TMEM17: variants seen among roughly 807,000 people sequenced by gnomAD.
TMEM17 encodes transmembrane protein 17.
Under a neutral mutation model 19.1 loss-of-function variants are expected in TMEM17, and 15 were observed. That is an observed-to-expected ratio of 0.78 (90% CI 0.52 to 1.21). The LOEUF is 1.21. Among genes scored for constraint, TMEM17 ranks in the 50% most tolerant of loss-of-function variants. TMEM17 has a pLI of 0.00. For missense variants in TMEM17, 245 were observed against 242.3 expected (o/e 1.01, Z -0.07); for synonymous variants, 103 against 86.9 (o/e 1.19, Z -1.03).
At chr2:62,474,412 TC>T in the TMEM17 span, among the ~76,000 whole-genome samples, 1 of 152,194 alleles carries the variant, frequency 6.6e-6, no homozygotes, top group Admixed American at 6.5e-5. Context: ...AACCTGCTCT[TC>T]AACCCACGCT....
chr2:62,480,345 T>C, the TMEM17 span, among the ~76,000 whole-genome samples: 1 of 152,176 alleles, frequency 6.6e-6, no homozygotes, highest in South Asian at 2.1e-4. Flanking sequence ...AGTTTGGAAA[T>C]ATTTTCTCCC....
the TMEM17 span, among the ~76,000 whole-genome samples, chr2:62,462,920 AT>A: frequency 2.3e-3 from 352 of 151,522 alleles, 2 homozygotes; most frequent in Middle Eastern, 0.024. Context: ...CCCTGCCCAC[AT>A]TTTTCCTCTG....
the TMEM17 span, among the ~76,000 whole-genome samples, chr2:62,469,990 G>T: frequency 6.6e-6 from 1 of 152,144 alleles, no homozygotes; most frequent in Non-Finnish European, 1.5e-5. Context: ...TGTTCCCCGG[G>T]CCTTGATCCA....
the TMEM17 span, among the ~76,000 whole-genome samples, chr2:62,482,977 C>A: frequency 6.6e-6 from 1 of 152,202 alleles, no homozygotes; most frequent in Non-Finnish European, 1.5e-5. Flanking sequence ...GCATGGGGAG[C>A]AGACCCCTTG....
At chr2:62,459,757 T>C in the TMEM17 span, among the ~76,000 whole-genome samples, 1 of 152,236 alleles carries the variant, frequency 6.6e-6, no homozygotes, top group African/African-American at 2.4e-5. Context: ...TTTAAATGAA[T>C]TTATATTTAT....
At chr2:62,484,025 C>G in the TMEM17 span, among the ~76,000 whole-genome samples, 2 of 152,348 alleles carry the variant, frequency 1.3e-5, no homozygotes, top group South Asian at 4.1e-4. Flanking sequence ...TGGAAAAAAT[C>G]TGGTCTTCAC....
downstream of TMEM17, among the ~76,000 whole-genome samples, chr2:62,497,617 T>C (rs10200802): frequency 0.47 from 71,779 of 152,130 alleles, 17,302 homozygotes; most frequent in East Asian, 0.75. Flanking sequence ...TGTAATCCTA[T>C]AGGGCCCCAC....
intron 1 of TMEM17, among the ~76,000 whole-genome samples, chr2:62,504,076 A>G (rs1486630726): frequency 6.6e-6 from 1 of 152,242 alleles, no homozygotes; most frequent in Non-Finnish European, 1.5e-5. Context: ...TCTTAAAAAC[A>G]TTATTTTCTC....
At chr2:62,492,146 A>G in the TMEM17 span, among the ~76,000 whole-genome samples, 4 of 152,248 alleles carry the variant, frequency 2.6e-5, no homozygotes, top group East Asian at 5.8e-4. Flanking sequence ...CAACCTTAAT[A>G]TATCTTTGGA....
the TMEM17 span, among the ~76,000 whole-genome samples, chr2:62,491,830 TA>T: frequency 6.6e-6 from 1 of 151,408 alleles, no homozygotes; most frequent in Non-Finnish European, 1.5e-5. Context: ...ATTAATCAAA[TA>T]TACATCTCTT....
At chr2:62,466,440 C>T in the TMEM17 span, among the ~76,000 whole-genome samples, 4 of 152,158 alleles carry the variant, frequency 2.6e-5, no homozygotes, top group East Asian at 7.7e-4. Context: ...TCAACGTCGG[C>T]TGGGAAGTTA....
At chr2:62,458,036 C>T in the TMEM17 span, among the ~76,000 whole-genome samples, 1 of 152,190 alleles carries the variant, frequency 6.6e-6, no homozygotes, top group Admixed American at 6.5e-5. Context: ...GGGAACACTT[C>T]GCTCCTTTCT....
chr2:62,464,263 A>G, the TMEM17 span, among the ~76,000 whole-genome samples: 1 of 152,338 alleles, frequency 6.6e-6, no homozygotes, highest in Non-Finnish European at 1.5e-5. Context: ...CTAAAAGAGC[A>G]CTGTAACACG....
Position 62,501,291 on chromosome 2 carries a change from C to T in TMEM17, c.515G>A (p.Arg172His), listed in dbSNP as rs561991904. 5.8e-5 allele frequency: 94 copies of T among 1,614,200 alleles called. 1 individual carries two copies. The highest frequency in any genetic ancestry group is 4.9e-4 in the Middle Eastern group (3 of 6,062). The change falls in exon 4 of 4, where the codon CGT (arginine) becomes CAT (histidine). Residue 172 changes from arginine (R) to histidine (H), a missense_variant. Transcript: ENST00000335390. ...LRKMVNQLAVRFHLQDFDRLS... is the reference protein window; with the variant it reads ...LRKMVNQLAVHFHLQDFDRLS... ...CCGGTCAAAGTCTTGGAGGTGGAAA[C>T]GAACTGCCAACTGATTAACCATTTT...
chr2:62,487,593 C>A, the TMEM17 span, among the ~76,000 whole-genome samples: 4 of 152,296 alleles, frequency 2.6e-5, no homozygotes, highest in African/African-American at 9.6e-5. Context: ...GCCTGTGAAA[C>A]AGGTGAATGG....
At chr2:62,461,728 C>G in the TMEM17 span, among the ~76,000 whole-genome samples, 30 of 152,160 alleles carry the variant, frequency 2.0e-4, no homozygotes, top group Admixed American at 1.9e-3. Context: ...TGGAATTTAC[C>G]ATCTCATTAG....
chr2:62,500,959 T>C lies in TMEM17; in HGVS notation c.*250A>G. The C allele has an allele frequency of 2.8e-6, 1 of 357,820 alleles. No individual in the cohort carries two copies. The highest frequency in any genetic ancestry group is 4.4e-5 in the Admixed American group (1 of 22,954). 22.2% of individuals were successfully genotyped at this position (357,820 alleles called of 1,614,324 possible). On this transcript the variant is annotated 3_prime_UTR_variant, in exon 4 of 4. Transcript: ENST00000335390. ...ACCAATACATAGATTTCTACACTCC[T>C]GAAAAAGACAACAACATCAAAAAAA...
At chr2:62,467,802 C>T in the TMEM17 span, among the ~76,000 whole-genome samples, 3 of 151,916 alleles carry the variant, frequency 2.0e-5, no homozygotes, top group Admixed American at 6.6e-5. Flanking sequence ...CAGAGGTTCA[C>T]ACAGTCTGCA....
the TMEM17 span, among the ~76,000 whole-genome samples, chr2:62,472,347 A>T: frequency 6.6e-6 from 1 of 152,210 alleles, no homozygotes; most frequent in East Asian, 1.9e-4. Context: ...GCAGCCTGGA[A>T]TGAGAAGCCC....
Sources: gnomAD v4.1 joint callset for allele counts (sites outside exome capture counted in the v4.1 genomes callset) on GRCh38, gnomAD v4.1.1 for gene constraint, MANE v1.5 for transcripts, NCBI Gene and HGNC (gene_info 2026-07-23, HGNC 2026-07-21) for gene names.